ZCCHC7: variants seen among roughly 807,000 people sequenced by gnomAD.
The protein encoded by ZCCHC7 is zinc finger CCHC domain-containing protein 7.
In ZCCHC7, 35 loss-of-function variants were observed where a neutral mutation model predicts 52.0. The ratio of observed to expected loss-of-function variants is 0.67; its 90% CI spans 0.51 to 0.89. The LOEUF (loss-of-function observed/expected upper bound fraction) is 0.89. Among genes scored for constraint, ZCCHC7 ranks in the 40% least tolerant of loss-of-function variants. ZCCHC7 has a pLI of 0.00. For missense variants in ZCCHC7, 574 were observed against 649.1 expected, an observed-to-expected ratio of 0.88 and a Z score of 1.26; for synonymous variants, 217 against 221.5, an observed-to-expected ratio of 0.98 and a Z score of 0.18.
chr9:37,171,057 A>G (rs1300454187), intron 2 of ZCCHC7, among the ~76,000 whole-genome samples: 2 of 152,214 alleles, frequency 1.3e-5, no homozygotes, highest in Non-Finnish European at 2.9e-5. Context: ...AGCAATTGTA[A>G]TAGTATGGTT....
intron 2 of ZCCHC7, among the ~76,000 whole-genome samples, chr9:37,137,259 A>G (rs1424914492): frequency 6.6e-6 from 1 of 152,236 alleles, no homozygotes; most frequent in African/African-American, 2.4e-5. Context: ...AATGCAGTAG[A>G]TTTTTTAAAA....
intron 2 of ZCCHC7, among the ~76,000 whole-genome samples, chr9:37,217,780 G>A (rs1336397633): frequency 6.6e-6 from 1 of 152,108 alleles, no homozygotes; most frequent in Non-Finnish European, 1.5e-5. Context: ...ACAACTTAGA[G>A]AAAATGTCAG....
chr9:37,321,802 A>T (rs1369018851), intron 5 of ZCCHC7, among the ~76,000 whole-genome samples: 2 of 152,110 alleles, frequency 1.3e-5, no homozygotes, highest in African/African-American at 4.8e-5. Context: ...AATAAAGTGA[A>T]ACTAATTTAC....
At chr9:37,252,565 C>T (rs192002487) in intron 2 of ZCCHC7, among the ~76,000 whole-genome samples, 89 of 152,182 alleles carry the variant, frequency 5.8e-4, no homozygotes, top group Admixed American at 1.6e-3. Flanking sequence ...AGTCTCCTGC[C>T]GTCACTAGAG....
chr9:37,291,567 C>T (rs1386232479), intron 2 of ZCCHC7, among the ~76,000 whole-genome samples: 1 of 151,724 alleles, frequency 6.6e-6, no homozygotes, highest in Non-Finnish European at 1.5e-5. Flanking sequence ...TATGCAGGGG[C>T]GATTAGAAGG....
chr9:37,247,831 G>T (rs1826144405), intron 2 of ZCCHC7, among the ~76,000 whole-genome samples: 1 of 152,094 alleles, frequency 6.6e-6, no homozygotes, highest in African/African-American at 2.4e-5. Context: ...AGCCCGGGAA[G>T]TCAAGGCTGC....
intron 2 of ZCCHC7, among the ~76,000 whole-genome samples, chr9:37,202,496 T>C (rs1245574012): frequency 1.3e-5 from 2 of 152,252 alleles, no homozygotes; most frequent in Admixed American, 1.3e-4. Context: ...GTATTATCTC[T>C]GTAAACTTTT....
intron 5 of ZCCHC7, among the ~76,000 whole-genome samples, chr9:37,316,160 A>G (rs1010959984): frequency 3.9e-5 from 6 of 151,946 alleles, no homozygotes; most frequent in African/African-American, 1.5e-4. Context: ...CCTGGGTTCA[A>G]GTGATTCTCC....
intron 2 of ZCCHC7, among the ~76,000 whole-genome samples, chr9:37,154,624 G>C (rs1820710718): frequency 1.3e-5 from 2 of 151,836 alleles, no homozygotes; most frequent in Admixed American, 1.3e-4. Context: ...TGGGACTAAG[G>C]GTGCACACCA....
chr9:37,291,000 T>C (rs1828509813), intron 2 of ZCCHC7, among the ~76,000 whole-genome samples: 1 of 152,242 alleles, frequency 6.6e-6, no homozygotes, highest in Non-Finnish European at 1.5e-5. Context: ...CACTGTTACA[T>C]CATCCTTCAC....
At chr9:37,193,496 A>T (rs928023634) in intron 2 of ZCCHC7, among the ~76,000 whole-genome samples, 3 of 152,144 alleles carry the variant, frequency 2.0e-5, no homozygotes, top group Admixed American at 6.6e-5. Flanking sequence ...TGTATAAAAC[A>T]TTCTTTAAAA....
Position 37,232,102 on chromosome 9 carries a change from G to A in ZCCHC7, c.611-70086G>A, listed in dbSNP as rs1421300671. Among the ~76,000 whole-genome samples the A allele has an allele frequency of 2.6e-5, 4 of 152,340 alleles. No individual in the cohort carries two copies. The East Asian group carries it at 5.8e-4, about 22-fold the overall frequency. Reference sequence around the variant, plus strand: ...TATTTTTCTTAAATTATTTAAAGGAGAGGAGTATGTTTTGTGCAGAATTGT... The same window carrying A: ...TATTTTTCTTAAATTATTTAAAGGAAAGGAGTATGTTTTGTGCAGAATTGT... On this transcript the variant is annotated intron_variant, in intron 2 of 8. Transcript: ENST00000336755.
chr9:37,174,948 C>A (rs1821936918), intron 2 of ZCCHC7, among the ~76,000 whole-genome samples: 10 of 151,622 alleles, frequency 6.6e-5, no homozygotes, highest in Admixed American at 5.9e-4. Context: ...ACCAGCCTGG[C>A]CAATATGGTG....
intron 5 of ZCCHC7, among the ~76,000 whole-genome samples, chr9:37,323,388 A>G (rs868341576): frequency 1.8e-4 from 28 of 152,214 alleles, no homozygotes; most frequent in African/African-American, 6.3e-4. Flanking sequence ...TAAGCTTGTC[A>G]GTTTCCCTGA....
intron 2 of ZCCHC7, among the ~76,000 whole-genome samples, chr9:37,220,262 C>T (rs960105172): frequency 1.3e-5 from 2 of 152,010 alleles, no homozygotes; most frequent in African/African-American, 2.4e-5. Context: ...GGGCATCGGC[C>T]AGGCGTGGTG....
At chr9:37,252,296 G>T (rs1366085072) in intron 2 of ZCCHC7, among the ~76,000 whole-genome samples, 1 of 152,150 alleles carries the variant, frequency 6.6e-6, no homozygotes, top group Non-Finnish European at 1.5e-5. Context: ...AGCATTGAGT[G>T]CAGGGTTGTG....
At chr9:37,285,229 G>A (rs1198036153) in intron 2 of ZCCHC7, among the ~76,000 whole-genome samples, 1 of 151,998 alleles carries the variant, frequency 6.6e-6, no homozygotes, top group African/African-American at 2.4e-5. Flanking sequence ...GATGATGTAG[G>A]GCTATATTTA....
rs777859758 is a variant in ZCCHC7 at position 37,357,253 on chromosome 9, A to G, written c.1617A>G (p.Arg539=). 9.5e-6 allele frequency: 15 copies of G among 1,579,162 alleles called. No homozygotes were observed. The African/African-American group carries it at 1.4e-4, about 14-fold the overall frequency. ...ATAACTTATTTCTTATTAAGCAGAG[A>G]AAAAAAAAGTCTTAAGCCGTCAGGC... ...DNDNLFLIKQ[R]KKKS The change falls in exon 9 of 9, where the codon AGA becomes AGG. Residue 539 remains arginine (R), a synonymous_variant. Transcript: ENST00000336755.
intron 6 of ZCCHC7, among the ~76,000 whole-genome samples, chr9:37,339,154 T>C (rs907767461): frequency 2.0e-5 from 3 of 152,236 alleles, no homozygotes; most frequent in African/African-American, 7.2e-5. Context: ...AGGGGAATTC[T>C]GTTTTTTCAC....
Sources: gnomAD v4.1 joint callset for allele counts (sites outside exome capture counted in the v4.1 genomes callset) on GRCh38, gnomAD v4.1.1 for gene constraint, MANE v1.5 for transcripts, NCBI Gene and HGNC (gene_info 2026-07-23, HGNC 2026-07-21) for gene names.